The following PCDHGB5 variants were observed in gnomAD, a reference collection of about 807,000 sequenced individuals.
PCDHGB5 encodes the protein protocadherin gamma subfamily B, 5.
A neutral mutation model predicts 62.9 loss-of-function variants in PCDHGB5; 48 were observed. The ratio of observed to expected loss-of-function variants is 0.76; its 90% CI spans 0.61 to 0.97. The LOEUF (loss-of-function observed/expected upper bound fraction) is 0.97, where lower values mean the gene tolerates loss of function less well. Among genes scored for constraint, PCDHGB5 ranks in the 50% least tolerant of loss-of-function variants. The pLI is 0.00. For missense variants in PCDHGB5, 1,118 were observed against 1,198.6 expected, an observed-to-expected ratio of 0.93 and a Z score of 0.99; for synonymous variants, 474 against 511.2, an observed-to-expected ratio of 0.93 and a Z score of 0.98.
At chr5:141,405,472 T>G in intron 1 of PCDHGB5, 1 of 1,056,196 alleles carries the variant, frequency 9.5e-7, no homozygotes, top group Non-Finnish European at 1.4e-6. Context: ...CAGGCTGGAA[T>G]GCAGTGGTGT....
chr5:141,430,904 T>C (rs2097322701), intron 1 of PCDHGB5: 5 of 1,606,730 alleles, frequency 3.1e-6, no homozygotes, highest in Middle Eastern at 1.7e-4. Context: ...GGGCGACATC[T>C]CCAGGGACCT....
At chr5:141,452,251 ACT>A (rs899414988) in intron 1 of PCDHGB5, among the ~76,000 whole-genome samples, 29 of 152,204 alleles carry the variant, frequency 1.9e-4, no homozygotes, top group African/African-American at 6.7e-4. Flanking sequence ...TTTTGCCATA[ACT>A]CTCTCATTTT....
At chr5:141,430,392 A>G (rs2097281137) in intron 1 of PCDHGB5, among the ~76,000 whole-genome samples, 1 of 152,136 alleles carries the variant, frequency 6.6e-6, no homozygotes, top group Non-Finnish European at 1.5e-5. Context: ...GGAAAAAAAA[A>G]AAAAGCTCAC....
At position 141,467,151 on chromosome 5, in the gene PCDHGB5, C is replaced by T. The variant is rs527879624; in HGVS notation, c.2398-27656C>T. ...CACTGCAACCTCTGCCTCCCAGGTT[C>T]AAGTGATTCTCATCTCTCAGCCTCC... is the stretch of plus-strand genomic sequence containing the variant. On this transcript the variant is annotated intron_variant, in intron 1 of 3. Transcript: ENST00000617380. Among the ~76,000 whole-genome samples the T allele has an allele frequency of 4.0e-5, 6 of 151,660 alleles. No homozygotes were observed. In the East Asian group the frequency reaches 7.8e-4, roughly 20 times the overall value.
Position 141,431,709 on chromosome 5 carries a change from T to G in PCDHGB5, c.2397+31185T>G, listed in dbSNP as rs1561854893. ...CACGAGGAGTCAGGATTCTACCAGA[T>G]GGAAGTGCAAGCAATGGATAATGCA... On this transcript the variant is annotated intron_variant, in intron 1 of 3. Coordinates refer to ENST00000617380, the MANE Select transcript of PCDHGB5 (RefSeq NM_018925.3). The surrounding 1 kb of genome is among the most constrained non-coding windows in gnomAD (Gnocchi z 4.8). The G allele has an allele frequency of 6.2e-7, 1 of 1,614,168 alleles. No individual in the cohort carries two copies. Among genetic ancestry groups the G allele is most frequent in the Middle Eastern group, 1.6e-4 (1 of 6,062 alleles).
Position 141,489,091 on chromosome 5 carries a change from T to A in PCDHGB5, c.2398-5716T>A. 1.9e-4 allele frequency: 63 copies of A among 332,802 alleles called. No individual in the cohort carries two copies. Among genetic ancestry groups the A allele is most frequent in the East Asian group, 2.9e-4 (6 of 20,542 alleles). The allele number at this position is 332,802 out of a possible 1,614,324, so 20.6% of individuals were successfully genotyped here. A position where few individuals can be genotyped will look rare whatever the true frequency, so the allele number is the denominator to read the frequency against. ...CTGCCCACCCCCGCCACTCGGTGAC[T>A]AAGAACTGCTGCAAGCAGGCAAACC... On this transcript the variant is annotated intron_variant, in intron 1 of 3. Transcript: ENST00000617380. This position sits in a 1 kb window ranked among gnomAD's most constrained non-coding sequence, Gnocchi z 4.5.
At chr5:141,462,542 T>C (rs910054469) in intron 1 of PCDHGB5, among the ~76,000 whole-genome samples, 1 of 152,222 alleles carries the variant, frequency 6.6e-6, no homozygotes, top group Non-Finnish European at 1.5e-5. Flanking sequence ...AGTGATCTTT[T>C]CTTCTTCAGT....
At chr5:141,510,169 A>G (rs927072830) in intron 3 of PCDHGB5, among the ~76,000 whole-genome samples, 7 of 151,230 alleles carry the variant, frequency 4.6e-5, no homozygotes, top group Non-Finnish European at 1.0e-4. Context: ...GCTACTCAGG[A>G]GGTTGAGGCA....
At position 141,511,516 on chromosome 5, in the gene PCDHGB5, T is replaced by A. The variant is rs2099883825; in HGVS notation, c.*343T>A. ...CTTCCAAATCAATCAGGCCCATCCA[T>A]CCCATGCCTCCCTCCTCCCCACCCC... is the stretch of plus-strand genomic sequence containing the variant. On this transcript the variant is annotated 3_prime_UTR_variant, in exon 4 of 4. Transcript: ENST00000617380. 1 of 365,020 alleles carries A rather than the reference T, an allele frequency of 2.7e-6. No individual in the cohort carries two copies. Among genetic ancestry groups the A allele is most frequent in the Admixed American group, 4.0e-5 (1 of 25,162 alleles). The allele number at this position is 365,020 out of a possible 1,614,324, so 22.6% of individuals were successfully genotyped here.
rs759439765 is a variant in PCDHGB5 at position 141,478,199 on chromosome 5, C to A, written c.2398-16608C>A. ...GAAAAAAAATCTCACCTTTTATCTA[C>A]TTCTTTCTCTAATCCTGGTTTCTGT... On this transcript the variant is annotated intron_variant, in intron 1 of 3. Coordinates refer to ENST00000617380, the MANE Select transcript of PCDHGB5 (RefSeq NM_018925.3). The A allele has an allele frequency of 3.8e-5, 62 of 1,613,938 alleles. No homozygotes were observed. Among genetic ancestry groups the A allele is most frequent in the Non-Finnish European group, 5.0e-5 (59 of 1,180,046 alleles).
intron 1 of PCDHGB5, chr5:141,478,834 A>G: frequency 7.0e-7 from 1 of 1,427,896 alleles, no homozygotes; most frequent in Non-Finnish European, 9.2e-7. Context: ...TTGCTAAGGG[A>G]TGGTTAAGCT....
chr5:141,477,808 C>T lies in PCDHGB5; in HGVS notation c.2398-16999C>T, dbSNP rs750186099. 2.5e-6 allele frequency: 4 copies of T among 1,613,994 alleles called. No individual in the cohort carries two copies. In the African/African-American group the frequency reaches 4.0e-5, roughly 16 times the overall value. On this transcript the variant is annotated intron_variant, in intron 1 of 3. Coordinates refer to ENST00000617380, the MANE Select transcript of PCDHGB5 (RefSeq NM_018925.3). The surrounding 1 kb of genome is among the most constrained non-coding windows in gnomAD (Gnocchi z 4.9). ...TTGTCACTGATCGCAATGACAATGC[C>T]CCCCAGGTCCTATATCCTCGGCCAG...
At chr5:141,410,441 A>C (rs1242063924) in intron 1 of PCDHGB5, 1 of 1,613,828 alleles carries the variant, frequency 6.2e-7, no homozygotes, top group South Asian at 1.1e-5. Flanking sequence ...CAGTGAGGGG[A>C]CTTTGCCTTA....
intron 1 of PCDHGB5, chr5:141,418,820 G>A: frequency 6.2e-7 from 1 of 1,613,918 alleles, no homozygotes. Flanking sequence ...AAACATAGAA[G>A]CAAAAGACCG....
At chr5:141,448,150 C>T (rs1182411283) in intron 1 of PCDHGB5, among the ~76,000 whole-genome samples, 4 of 151,924 alleles carry the variant, frequency 2.6e-5, no homozygotes, top group Non-Finnish European at 5.9e-5. Flanking sequence ...CTCAGACTCA[C>T]CCCTGAAAGA....
chr5:141,415,136 G>C (rs763832284), intron 1 of PCDHGB5: 1 of 1,613,548 alleles, frequency 6.2e-7, no homozygotes, highest in Admixed American at 1.7e-5. Flanking sequence ...CAGGACCACG[G>C]CCAGCCCCCT....
rs1290682140 is a variant in PCDHGB5 at position 141,431,692 on chromosome 5, G to A, written c.2397+31168G>A. 1 of 1,614,132 alleles carries A rather than the reference G, an allele frequency of 6.2e-7. No homozygotes were observed. The highest frequency in any genetic ancestry group is 2.2e-5 in the East Asian group (1 of 44,888). On this transcript the variant is annotated intron_variant, in intron 1 of 3. Transcript: ENST00000617380. The surrounding 1 kb of genome is among the most constrained non-coding windows in gnomAD (Gnocchi z 4.8). The stretch of plus-strand genomic sequence containing the variant: ...CAATAGGGGAGTTGGACCACGAGGA[G>A]TCAGGATTCTACCAGATGGAAGTGC...
intron 1 of PCDHGB5, 54 bp downstream of exon 1, chr5:141,400,578 T>C: frequency 6.2e-7 from 1 of 1,610,934 alleles, no homozygotes; most frequent in Non-Finnish European, 8.5e-7. Context: ...TTTCTGTATT[T>C]ACATGAAACT....
At chr5:141,421,619 C>T (rs778666303) in intron 1 of PCDHGB5, 2 of 1,613,694 alleles carry the variant, frequency 1.2e-6, no homozygotes, top group South Asian at 1.1e-5. Flanking sequence ...AATGATAACG[C>T]CCCCAGCTTC....
Sources: allele counts gnomAD v4.1 joint callset (sites outside exome capture counted in the v4.1 genomes callset), GRCh38; gene constraint gnomAD v4.1.1; non-coding constraint Gnocchi (gnomAD v3.1); transcripts MANE v1.5; gene names NCBI Gene and HGNC (gene_info 2026-07-23, HGNC 2026-07-21).